RBFOX1: variants seen among roughly 807,000 people sequenced by gnomAD.
RBFOX1 encodes the protein RNA binding fox-1 homolog 1, also known as RNA binding protein fox-1 homolog 1.
RBFOX1 carries 8 observed loss-of-function variants against 57.7 expected under a neutral mutation model. That is an observed-to-expected ratio of 0.14 (90% CI 0.08 to 0.25). The LOEUF is 0.25. RBFOX1 is among the 10% of genes least tolerant of loss of function. The pLI, the probability that RBFOX1 is intolerant of heterozygous loss-of-function variation, is 1.00. For missense variants in RBFOX1, 611 were observed against 548.5 expected, an observed-to-expected ratio of 1.11 and a Z score of -1.14; for synonymous variants, 326 against 222.4, an observed-to-expected ratio of 1.47 and a Z score of -4.15.
chr16:7,441,931 G>C (rs192425281), intron 4 of RBFOX1, among the ~76,000 whole-genome samples: 2 of 152,326 alleles, frequency 1.3e-5, no homozygotes, highest in East Asian at 3.9e-4. Flanking sequence ...TGGCAGCCTG[G>C]AAGCTTTGCA....
At chr16:5,531,493 T>G (rs2044476022) in intron 2 of RBFOX1, among the ~76,000 whole-genome samples, 1 of 152,208 alleles carries the variant, frequency 6.6e-6, no homozygotes, top group Admixed American at 6.5e-5. Context: ...AAGTACCTTT[T>G]AGCATGGGGC....
chr16:6,832,152 T>A (rs1210207211), intron 3 of RBFOX1, among the ~76,000 whole-genome samples: 1 of 152,224 alleles, frequency 6.6e-6, no homozygotes, highest in African/African-American at 2.4e-5. Context: ...CGATTCAACT[T>A]TGTTCCTAAA....
At chr16:7,116,108 A>T (rs770614151) in intron 4 of RBFOX1, among the ~76,000 whole-genome samples, 7 of 152,180 alleles carry the variant, frequency 4.6e-5, no homozygotes, top group Non-Finnish European at 8.8e-5. Context: ...ACAGATAAGG[A>T]AACTGAGGCA....
chr16:5,605,952 C>T (rs975680757), intron 3 of RBFOX1, among the ~76,000 whole-genome samples: 5 of 152,106 alleles, frequency 3.3e-5, no homozygotes, highest in African/African-American at 1.2e-4. Context: ...CCCACCTTTC[C>T]CATTGCTTCT....
At chr16:7,289,908 C>T (rs192409096) in intron 4 of RBFOX1, among the ~76,000 whole-genome samples, 3 of 152,272 alleles carry the variant, frequency 2.0e-5, no homozygotes, top group Admixed American at 2.0e-4. Context: ...AGGAGGTCTG[C>T]CTCCCTAGTC....
At chr16:7,248,605 T>C (rs899981237) in intron 4 of RBFOX1, among the ~76,000 whole-genome samples, 2 of 152,224 alleles carry the variant, frequency 1.3e-5, no homozygotes, top group African/African-American at 4.8e-5. Context: ...TTCTTCTTTA[T>C]GGTGAGTGAA....
At chr16:6,993,997 A>G (rs1280463972) in intron 3 of RBFOX1, among the ~76,000 whole-genome samples, 3 of 152,162 alleles carry the variant, frequency 2.0e-5, no homozygotes, top group African/African-American at 7.2e-5. Flanking sequence ...CTTTAGAAGA[A>G]GTATGTGGTT....
intron 2 of RBFOX1, among the ~76,000 whole-genome samples, chr16:6,526,592 A>G (rs562641882): frequency 1.3e-5 from 2 of 152,014 alleles, no homozygotes; most frequent in Non-Finnish European, 2.9e-5. Context: ...GCACTTTGGG[A>G]GGTGGAGGTG....
At chr16:5,931,588 A>T (rs1369425198) in intron 4 of RBFOX1, among the ~76,000 whole-genome samples, 1 of 152,162 alleles carries the variant, frequency 6.6e-6, no homozygotes, top group African/African-American at 2.4e-5. Flanking sequence ...GCTGGGTCTG[A>T]AAAGACGTTA....
At chr16:7,004,733 A>G (rs2093148095) in intron 3 of RBFOX1, among the ~76,000 whole-genome samples, 1 of 152,220 alleles carries the variant, frequency 6.6e-6, no homozygotes, top group Non-Finnish European at 1.5e-5. Flanking sequence ...GGTATTCAAG[A>G]AAGGAGAAGT....
At chr16:6,199,750 A>C (rs1205442821) in intron 1 of RBFOX1, among the ~76,000 whole-genome samples, 1 of 152,170 alleles carries the variant, frequency 6.6e-6, no homozygotes, top group Non-Finnish European at 1.5e-5. Context: ...AAGAAGTAGA[A>C]CTTTATAGAC....
intron 3 of RBFOX1, among the ~76,000 whole-genome samples, chr16:6,691,031 T>G (rs545389682): frequency 6.6e-6 from 1 of 152,246 alleles, no homozygotes; most frequent in African/African-American, 2.4e-5. Flanking sequence ...TTCCAGTCAT[T>G]TTGTTATTCA....
intron 2 of RBFOX1, among the ~76,000 whole-genome samples, chr16:5,472,100 G>A (rs1241606736): frequency 3.9e-5 from 6 of 152,068 alleles, no homozygotes; most frequent in Admixed American, 6.5e-5. Context: ...GTTATTTGCC[G>A]TCACACAGAA....
intron 1 of RBFOX1, among the ~76,000 whole-genome samples, chr16:5,432,537 GTTT>G (rs796803782): frequency 0.025 from 2,717 of 109,476 alleles, 101 homozygotes; most frequent in African/African-American, 0.084. Context: ...CAACTGGGGA[GTTT>G]TTTTTTTTTT....
intron 1 of RBFOX1, among the ~76,000 whole-genome samples, chr16:6,108,939 C>G (rs1384561644): frequency 6.6e-6 from 1 of 152,184 alleles, no homozygotes; most frequent in Non-Finnish European, 1.5e-5. Context: ...ATCTGAAGAT[C>G]ATTAATTGAA....
chr16:7,568,455 C>T (rs945832796), intron 5 of RBFOX1, among the ~76,000 whole-genome samples: 1 of 151,936 alleles, frequency 6.6e-6, no homozygotes, highest in African/African-American at 2.4e-5. Flanking sequence ...GTATAATGAA[C>T]AGTGAGGATG....
chr16:7,079,285 A>G (rs1196205921), intron 4 of RBFOX1, among the ~76,000 whole-genome samples: 1 of 152,140 alleles, frequency 6.6e-6, no homozygotes, highest in Non-Finnish European at 1.5e-5. Flanking sequence ...GAGCTTGCAA[A>G]CTGAGGGTTG....
intron 3 of RBFOX1, among the ~76,000 whole-genome samples, chr16:7,051,491 A>T (rs7206170): frequency 6.6e-6 from 1 of 152,062 alleles, no homozygotes; most frequent in African/African-American, 2.4e-5. Flanking sequence ...ACCTATCAGG[A>T]TCTCTTTCTG....
At chr16:7,444,817 C>T (rs770806096) in intron 4 of RBFOX1, among the ~76,000 whole-genome samples, 10 of 152,154 alleles carry the variant, frequency 6.6e-5, no homozygotes, top group Non-Finnish European at 1.2e-4. Context: ...CAGGCATAAG[C>T]CACCGTGCCC....
Sources: gnomAD v4.1 joint callset for allele counts (sites outside exome capture counted in the v4.1 genomes callset) on GRCh38, gnomAD v4.1.1 for gene constraint, MANE v1.5 for transcripts, NCBI Gene and HGNC (gene_info 2026-07-23, HGNC 2026-07-21) for gene names.